DDX4: variants seen among roughly 807,000 people sequenced by gnomAD.
DDX4 encodes probable ATP-dependent RNA helicase DDX4.
Under a neutral mutation model 100.0 loss-of-function variants are expected in DDX4, and 25 were observed. The ratio of observed to expected loss-of-function variants is 0.25; its 90% CI spans 0.18 to 0.35. DDX4 has a LOEUF of 0.35. Among genes scored for constraint, DDX4 ranks in the 10% least tolerant of loss-of-function variants. DDX4 has a pLI of 1.00. For missense variants in DDX4, 635 were observed against 882.4 expected (o/e 0.72, Z 3.55); for synonymous variants, 259 against 275.7 (o/e 0.94, Z 0.60).
At position 55,791,893 on chromosome 5, in the gene DDX4, C is replaced by T. The variant is rs968315112; in HGVS notation, c.1303-748C>T. On this transcript the variant is annotated intron_variant, in intron 16 of 21. Transcript: ENST00000505374. The stretch of plus-strand genomic sequence containing the variant: ...TTGGGAAGCCGAGGCAGGCATATCA[C>T]GAGGTCAGGAGATAGAGACCATCCT... Among the ~76,000 whole-genome samples, 9 of 151,998 alleles carry T rather than the reference C, an allele frequency of 5.9e-5. No individual in the cohort carries two copies. The East Asian group carries it at 1.7e-3, about 29-fold the overall frequency.
chr5:55,763,981 A>G (rs1446194704), intron 5 of DDX4, 33 bp from the exon 6 acceptor site: 2 of 1,488,372 alleles, frequency 1.3e-6, no homozygotes, highest in Non-Finnish European at 9.4e-7. Context: ...CCACAGAGGT[A>G]CAGGAAATTG....
At chr5:55,797,612 A>T (rs1743046085) in intron 17 of DDX4, among the ~76,000 whole-genome samples, 1 of 152,232 alleles carries the variant, frequency 6.6e-6, no homozygotes, top group African/African-American at 2.4e-5. Flanking sequence ...CTCAGCTGGT[A>T]AATAAGGGAC....
intron 21 of DDX4, 101 bp downstream of exon 21, chr5:55,815,524 T>C (rs1744346094): frequency 7.9e-6 from 11 of 1,386,778 alleles, no homozygotes; most frequent in Non-Finnish European, 1.0e-5. Context: ...AATCAAGCCA[T>C]TGTTTTCGTG....
chr5:55,794,360 T>A (rs1742787814), intron 17 of DDX4, among the ~76,000 whole-genome samples: 1 of 150,834 alleles, frequency 6.6e-6, no homozygotes, highest in Admixed American at 6.6e-5. Context: ...GTTAATTTTT[T>A]TTTTTTTTTT....
chr5:55,761,603 CT>C lies in DDX4; in HGVS notation c.205+1336del, dbSNP rs34702955. On this transcript the variant is annotated intron_variant, in intron 4 of 21. Coordinates refer to ENST00000505374, the MANE Select transcript of DDX4 (RefSeq NM_024415.3). ...TTCTTCTAACATTTTATATAGTTTC[CT>C]TTTTTTTTTCTTTTTCTTTTTTGAG... 1.0e-3 allele frequency among the ~76,000 whole-genome samples: 148 copies of C among 148,362 alleles called. No individual in the cohort carries two copies. In the Middle Eastern group the frequency reaches 0.01, roughly 10 times the overall value.
At chr5:55,809,386 A>G (rs1743971512) in intron 18 of DDX4, among the ~76,000 whole-genome samples, 1 of 152,086 alleles carries the variant, frequency 6.6e-6, no homozygotes, top group African/African-American at 2.4e-5. Flanking sequence ...AAATGCAGAA[A>G]TCAGCCGTCT....
intron 10 of DDX4, among the ~76,000 whole-genome samples, chr5:55,783,515 T>C (rs1002378924): frequency 1.3e-5 from 2 of 152,112 alleles, no homozygotes; most frequent in African/African-American, 4.8e-5. Context: ...CAGGCCTGAT[T>C]GTTCATCAAA....
intron 6 of DDX4, 88 bp downstream of exon 6, chr5:55,764,152 C>A: frequency 1.0e-6 from 1 of 981,320 alleles, no homozygotes; most frequent in South Asian, 1.4e-5. Context: ...TTAGTCCGGG[C>A]CAATTCTAAC....
intron 7 of DDX4, chr5:55,773,225 A>G (rs1455650504): frequency 6.6e-6 from 1 of 152,240 alleles, no homozygotes; most frequent in Non-Finnish European, 1.5e-5. Context: ...GGCTTCTTTT[A>G]TAAGAACACT....
Position 55,807,208 on chromosome 5 carries a change from A to G in DDX4, c.1616-6465A>G, listed in dbSNP as rs184255688. Among the ~76,000 whole-genome samples, 343 of 152,182 alleles carry G rather than the reference A, an allele frequency of 2.3e-3. 1 individual carries two copies. Among genetic ancestry groups the G allele is most frequent in the African/African-American group, 8.0e-3 (334 of 41,514 alleles). On this transcript the variant is annotated intron_variant, in intron 18 of 21. Coordinates refer to ENST00000505374, the MANE Select transcript of DDX4 (RefSeq NM_024415.3). ...TCCTCCATCCCTTTATTTTGAGCCTATGTGTGGCTCTGCACATGAGCTGGG... is the reference window on the plus strand; with the variant it reads ...TCCTCCATCCCTTTATTTTGAGCCTGTGTGTGGCTCTGCACATGAGCTGGG...
At chr5:55,808,599 C>T (rs1474776037) in intron 18 of DDX4, among the ~76,000 whole-genome samples, 1 of 152,242 alleles carries the variant, frequency 6.6e-6, no homozygotes, top group Non-Finnish European at 1.5e-5. Flanking sequence ...CCTTGTTTGC[C>T]TGGGTATCAG....
At chr5:55,807,636 T>G (rs571280558) in intron 18 of DDX4, among the ~76,000 whole-genome samples, 1 of 152,246 alleles carries the variant, frequency 6.6e-6, no homozygotes, top group Non-Finnish European at 1.5e-5. Context: ...TCTTTAAGAA[T>G]GTTGAATATT....
intron 7 of DDX4, among the ~76,000 whole-genome samples, chr5:55,773,391 T>A (rs1741369488): frequency 6.6e-6 from 1 of 152,252 alleles, no homozygotes; most frequent in South Asian, 2.1e-4. Context: ...TGTGTTTTCA[T>A]TTTTCTGGAG....
At chr5:55,806,599 G>A (rs1164929689) in intron 18 of DDX4, among the ~76,000 whole-genome samples, 1 of 152,190 alleles carries the variant, frequency 6.6e-6, no homozygotes, top group African/African-American at 2.4e-5. Flanking sequence ...AGTCATTCAG[G>A]AGCAGGTTGT....
At chr5:55,778,919 A>G (rs116235623) in intron 7 of DDX4, among the ~76,000 whole-genome samples, 161 of 151,874 alleles carry the variant, frequency 1.1e-3, no homozygotes, top group Non-Finnish European at 1.9e-3. Context: ...GTGGAAGACG[A>G]TAAGTTCCAT....
intron 3 of DDX4, among the ~76,000 whole-genome samples, chr5:55,757,895 A>G (rs1384368228): frequency 6.6e-6 from 1 of 152,174 alleles, no homozygotes; most frequent in Non-Finnish European, 1.5e-5. Context: ...AAATAAAAAA[A>G]TTAGCTGGAT....
intron 3 of DDX4, among the ~76,000 whole-genome samples, chr5:55,759,754 A>G (rs561677034): frequency 6.6e-6 from 1 of 152,278 alleles, no homozygotes; most frequent in African/African-American, 2.4e-5. Context: ...ATGTTACTGT[A>G]CTTTCAGAGT....
intron 1 of DDX4, 159 bp downstream of exon 1, chr5:55,738,260 A>G (rs3761772): frequency 0.18 from 27,261 of 152,242 alleles, 3,159 homozygotes; most frequent in Admixed American, 0.3. Flanking sequence ...CGGGTGCCCA[A>G]AGTCTGGGCT....
chr5:55,810,365 A>C (rs558951230), intron 18 of DDX4, among the ~76,000 whole-genome samples: 1 of 152,140 alleles, frequency 6.6e-6, no homozygotes, highest in African/African-American at 2.4e-5. Flanking sequence ...TTGGCCTCCC[A>C]AAGTGCTGGA....
Sources: gnomAD v4.1 joint callset for allele counts (sites outside exome capture counted in the v4.1 genomes callset) on GRCh38, gnomAD v4.1.1 for gene constraint, MANE v1.5 for transcripts, NCBI Gene and HGNC (gene_info 2026-07-23, HGNC 2026-07-21) for gene names.